VCAM1: variants seen among roughly 807,000 people sequenced by gnomAD.
VCAM1 encodes vascular cell adhesion protein 1.
Under a neutral mutation model 63.8 loss-of-function variants are expected in VCAM1, and 41 were observed. That is an observed-to-expected ratio of 0.64 (90% CI 0.50 to 0.83). The LOEUF (loss-of-function observed/expected upper bound fraction) is 0.83, where lower values mean the gene tolerates loss of function less well. Among genes scored for constraint, VCAM1 ranks in the 40% least tolerant of loss-of-function variants. The pLI is 0.00. For missense variants in VCAM1, 798 were observed against 875.5 expected, an observed-to-expected ratio of 0.91 and a Z score of 1.12; for synonymous variants, 338 against 320.7, an observed-to-expected ratio of 1.05 and a Z score of -0.58.
At chr1:100,723,939 G>A (rs185557240) in intron 3 of VCAM1, among the ~76,000 whole-genome samples, 7 of 152,126 alleles carry the variant, frequency 4.6e-5, no homozygotes, top group African/African-American at 1.2e-4. Context: ...AAAATGCTAT[G>A]TTCTGCACTG....
intron 8 of VCAM1, chr1:100,735,843 C>T (rs905921310): frequency 6.6e-6 from 1 of 152,154 alleles, no homozygotes; most frequent in Non-Finnish European, 1.5e-5. Flanking sequence ...AAGAATTGAT[C>T]TAGCCAATGA....
intron 7 of VCAM1, 33 bp from the exon 8 acceptor site, chr1:100,734,469 C>T (rs767095429): frequency 1.9e-6 from 3 of 1,587,246 alleles, no homozygotes; most frequent in South Asian, 2.3e-5. Flanking sequence ...ATATTTCACT[C>T]AATCAGGGAT....
intron 5 of VCAM1, among the ~76,000 whole-genome samples, chr1:100,729,908 G>A (rs1305724426): frequency 6.6e-6 from 1 of 152,100 alleles, no homozygotes; most frequent in Admixed American, 6.6e-5. Flanking sequence ...GCAGAATCAG[G>A]AAGCAGCGCT....
At position 100,723,333 on chromosome 1, in the gene VCAM1, A is replaced by G. The variant is rs1225435483; in HGVS notation, c.654A>G (p.Gln218=). ...TAAGGCAGGCTGTAAAAGAATTGCA[A>G]GTCTACAGTAAGTACTTGTGCGATG... is the stretch of plus-strand genomic sequence containing the variant. ...PTVRQAVKEL[Q]VYISPKNTVI... is the part of the protein sequence containing the mutation. The change falls in exon 3 of 9, where the codon CAA becomes CAG. Residue 218 remains glutamine (Q), a synonymous_variant. Coordinates refer to ENST00000294728, the MANE Select transcript of VCAM1 (RefSeq NM_001078.4). 1 of 1,612,060 alleles carries G rather than the reference A, an allele frequency of 6.2e-7. No individual in the cohort carries two copies. The highest frequency in any genetic ancestry group is 1.1e-5 in the South Asian group (1 of 90,984).
Position 100,731,399 on chromosome 1 carries a change from C to T in VCAM1, c.1406C>T (p.Thr469Ile), listed in dbSNP as rs1307824757. The change falls in exon 6 of 9, where the codon ACC becomes ATC. Residue 469 changes from threonine to isoleucine, a missense_variant. Coordinates refer to ENST00000294728, the MANE Select transcript of VCAM1 (RefSeq NM_001078.4). This position sits in a 1 kb window ranked among gnomAD's most constrained non-coding sequence, Gnocchi z 4.2. ...KSLENKSLEMTFIPTIEDTGK... is the reference protein window; with the variant it reads ...KSLENKSLEMIFIPTIEDTGK... ...CTAGAGAACAAAAGTTTGGAAATGA[C>T]CTTCATCCCTACCATTGAAGATACT... is the stretch of plus-strand genomic sequence containing the variant. The T allele has an allele frequency of 6.2e-7, 1 of 1,613,750 alleles. No individual in the cohort carries two copies. Among genetic ancestry groups the T allele is most frequent in the Admixed American group, 1.7e-5 (1 of 59,950 alleles).
At chr1:100,733,797 G>T (rs541625702) in intron 7 of VCAM1, among the ~76,000 whole-genome samples, 11 of 152,010 alleles carry the variant, frequency 7.2e-5, no homozygotes, top group Non-Finnish European at 1.3e-4. Flanking sequence ...ACCTGTAAAG[G>T]CCTTTGTACT....
At chr1:100,723,363 C>A in intron 3 of VCAM1, 23 bp downstream of exon 3, 2 of 1,599,840 alleles carry the variant, frequency 1.3e-6, no homozygotes, top group South Asian at 2.2e-5. Context: ...GCGATGTGTT[C>A]CAGTCTTTGT....
rs1660434643 is a variant in VCAM1, at chr1:100,731,046, A to G, written c.1205-152A>G. The G allele has an allele frequency of 1.6e-6, 1 of 642,456 alleles. No homozygotes were observed. The allele number at this position is 642,456 out of a possible 1,614,324, so 39.8% of individuals were successfully genotyped here. A position where few individuals can be genotyped will look rare whatever the true frequency, so the allele number is the denominator to read the frequency against. ...TCATATATAATATCATAAATATGTC[A>G]TTTATAAATACTGTCATTACTTATA... On this transcript the variant is annotated intron_variant, in intron 5 of 8. Coordinates refer to ENST00000294728, the MANE Select transcript of VCAM1 (RefSeq NM_001078.4). This position sits in a 1 kb window ranked among gnomAD's most constrained non-coding sequence, Gnocchi z 4.2.
At position 100,720,657 on chromosome 1, in the gene VCAM1, G is replaced by T. The variant is rs1437062506; in HGVS notation, c.246G>T (p.Met82Ile). 1.2e-6 allele frequency: 2 copies of T among 1,613,182 alleles called. No homozygotes were observed. Among genetic ancestry groups the T allele is most frequent in the Admixed American group, 3.3e-5 (2 of 59,872 alleles). ...TNEGTTSTLT[M>I]NPVSFGNEHS... Reference sequence around the variant, plus strand: ...AGGGGACCACATCTACGCTGACAATGAATCCTGTTAGTTTTGGGAACGAAC... The same window carrying T: ...AGGGGACCACATCTACGCTGACAATTAATCCTGTTAGTTTTGGGAACGAAC... The change falls in exon 2 of 9, where the codon ATG (methionine) becomes ATT (isoleucine). Residue 82 changes from methionine (M) to isoleucine (I), a missense_variant. Coordinates refer to ENST00000294728, the MANE Select transcript of VCAM1 (RefSeq NM_001078.4).
chr1:100,732,165 C>T (rs972400382), intron 6 of VCAM1, among the ~76,000 whole-genome samples: 28 of 152,128 alleles, frequency 1.8e-4, no homozygotes, highest in African/African-American at 5.6e-4. Flanking sequence ...CATTGACCCT[C>T]GTCATTCTTT....
In VCAM1 at chr1:100,734,637, A is replaced by G; in HGVS notation, c.1928A>G (p.Asp643Gly). Residue 643 changes from aspartate (D) to glycine (G), a missense_variant, in exon 8 of 9, where the codon GAC (aspartate) becomes GGC (glycine). Asp to Gly is a moderately conservative substitution (Grantham distance 94, BLOSUM62 -1). Transcript: ENST00000294728. ...IILKKKAETG[D>G]TVLKSIDGAY... Reference sequence around the variant, plus strand: ...CTGAAGAAAAAAGCGGAGACAGGAGACACAGTACTAAAATCTATAGATGGC... The same window carrying G: ...CTGAAGAAAAAAGCGGAGACAGGAGGCACAGTACTAAAATCTATAGATGGC... 1 of 1,614,012 alleles carries G rather than the reference A, an allele frequency of 6.2e-7. No individual in the cohort carries two copies. The highest frequency in any genetic ancestry group is 8.5e-7 in the Non-Finnish European group (1 of 1,179,922).
At chr1:100,730,401 T>C (rs1213181258) in intron 5 of VCAM1, among the ~76,000 whole-genome samples, 3 of 152,130 alleles carry the variant, frequency 2.0e-5, no homozygotes, top group African/African-American at 7.2e-5. Context: ...AACATTTTGG[T>C]TAAGGAAAAA....
At chr1:100,725,028 T>C in intron 4 of VCAM1, 138 bp downstream of exon 4, 5 of 1,138,926 alleles carry the variant, frequency 4.4e-6, no homozygotes, top group Non-Finnish European at 6.1e-6. Flanking sequence ...TTAGCACAAA[T>C]ATATGTTTAT....
intron 7 of VCAM1, 108 bp from the exon 8 acceptor site, chr1:100,734,394 C>T (rs1660575608): frequency 2.3e-5 from 28 of 1,241,646 alleles, no homozygotes; most frequent in South Asian, 1.6e-4. Flanking sequence ...TTAATGCAAA[C>T]GCTAAGCACA....
intron 5 of VCAM1, among the ~76,000 whole-genome samples, chr1:100,730,219 A>G (rs917021429): frequency 6.6e-6 from 1 of 152,132 alleles, no homozygotes; most frequent in Non-Finnish European, 1.5e-5. Flanking sequence ...AATGAGTTAG[A>G]GTATGCCTGT....
chr1:100,719,952 A>C, intron 1 of VCAM1, 28 bp downstream of exon 1: 1 of 1,602,572 alleles, frequency 6.2e-7, no homozygotes, highest in Non-Finnish European at 8.5e-7. Context: ...ATCTGTTTCA[A>C]ATGTTAGCAT....
chr1:100,731,239 G>A lies in VCAM1; in HGVS notation c.1246G>A (p.Val416Met), dbSNP rs775090221. 1.1e-5 allele frequency: 18 copies of A among 1,612,978 alleles called. No homozygotes were observed. The highest frequency in any genetic ancestry group is 5.0e-5 in the Admixed American group (3 of 59,856). The change falls in exon 6 of 9, where the codon GTG becomes ATG. Residue 416 changes from valine to methionine, a missense_variant. By Grantham distance (21) the Val-to-Met change is conservative. Transcript: ENST00000294728. The surrounding 1 kb of genome is among the most constrained non-coding windows in gnomAD (Gnocchi z 4.2). ...DPEIEMSGGLVNGSSVTVSCK... is the reference protein window; with the variant it reads ...DPEIEMSGGLMNGSSVTVSCK... ...AGAAATCGAGATGAGTGGTGGCCTC[G>A]TGAATGGGAGCTCTGTCACTGTAAG...
At chr1:100,734,391 A>G in intron 7 of VCAM1, 111 bp from the exon 8 acceptor site, 3 of 1,226,760 alleles carry the variant, frequency 2.4e-6, no homozygotes, top group East Asian at 2.5e-5. Context: ...CATTTAATGC[A>G]AACGCTAAGC....
intron 3 of VCAM1, 38 bp downstream of exon 3, chr1:100,723,378 A>G (rs750538393): frequency 5.0e-6 from 8 of 1,590,490 alleles, no homozygotes; most frequent in Non-Finnish European, 5.1e-6. Flanking sequence ...CTTTGTGGGA[A>G]TCCCACCTTG....
Sources: gnomAD v4.1 joint callset for allele counts (sites outside exome capture counted in the v4.1 genomes callset) on GRCh38, gnomAD v4.1.1 for gene constraint, Gnocchi (gnomAD v3.1) non-coding constraint, MANE v1.5 for transcripts, NCBI Gene and HGNC (gene_info 2026-07-23, HGNC 2026-07-21) for gene names.